Variants in DISP1 observed in about 807,000 individuals in gnomAD.
DISP1 encodes the protein dispatched RND transporter family member 1, also known as protein dispatched homolog 1.
DISP1 carries 30 observed loss-of-function variants against 37.3 expected under a neutral mutation model. The observed-to-expected ratio is 0.80, with a 90% CI of 0.60 to 1.09. DISP1 has a LOEUF of 1.09. Ranked by LOEUF, DISP1 falls within the 50% of genes least tolerant of loss-of-function variation. The probability of loss-of-function intolerance (pLI) is 0.00; values close to 1 mark genes in which losing one functional copy is unlikely to be tolerated. For missense variants in DISP1, 1,598 were observed against 1,879.5 expected (o/e 0.85, Z 2.77); for synonymous variants, 634 against 690.2 (o/e 0.92, Z 1.28).
chr1:222,892,398 A>G (rs762696327), intron 1 of DISP1, among the ~76,000 whole-genome samples: 5 of 152,210 alleles, frequency 3.3e-5, no homozygotes, highest in African/African-American at 4.8e-5. Flanking sequence ...ATTCTTGCAA[A>G]TAACGTAAGT....
intron 1 of DISP1, among the ~76,000 whole-genome samples, chr1:222,838,176 C>T (rs893275011): frequency 1.3e-5 from 2 of 151,906 alleles, no homozygotes; most frequent in Non-Finnish European, 2.9e-5. Flanking sequence ...ATATAATTAT[C>T]ACTATTTTTG....
chr1:222,991,981 T>A (rs1388337414), intron 6 of DISP1, 32 bp from the exon 7 acceptor site: 1 of 1,543,758 alleles, frequency 6.5e-7, no homozygotes, highest in East Asian at 2.3e-5. Context: ...AACGAGAACT[T>A]TATTGAAGAT....
Position 223,004,973 on chromosome 1 carries a change from T to C in DISP1, c.3576T>C (p.Tyr1192=). Residue 1192 remains tyrosine (Y), a synonymous_variant, in exon 9 of 9, where the codon TAT becomes TAC. Transcript: ENST00000675850. This position sits in a 1 kb window ranked among gnomAD's most constrained non-coding sequence, Gnocchi z 4.9. ...AATCTGAACTGGAGCATGAGTTTTATGAATTAGAACCTCTGGCTTCCCACA... is the reference window on the plus strand; with the variant it reads ...AATCTGAACTGGAGCATGAGTTTTACGAATTAGAACCTCTGGCTTCCCACA... The part of the protein sequence containing the change: ...GPKSELEHEF[Y]ELEPLASHSC... 1.2e-6 allele frequency: 2 copies of C among 1,614,020 alleles called. No homozygotes were observed. Among genetic ancestry groups the C allele is most frequent in the Non-Finnish European group, 1.7e-6 (2 of 1,180,032 alleles).
rs549065930 is a variant in DISP1, at chr1:222,874,652, C to A, written c.-158-53778C>A. 7.9e-5 allele frequency among the ~76,000 whole-genome samples: 12 copies of A among 152,158 alleles called. 1 individual carries two copies. The South Asian group carries it at 2.5e-3, about 32-fold the overall frequency. On this transcript the variant is annotated intron_variant, in intron 1 of 8. Transcript: ENST00000675850. ...TCTCTGCATTGGTTATTCTAGTTAT[C>A]CATTCGTCTAATTTTTTTTCAAAGT...
intron 2 of DISP1, among the ~76,000 whole-genome samples, chr1:222,942,473 C>G (rs1674457340): frequency 6.6e-6 from 1 of 151,964 alleles, no homozygotes; most frequent in South Asian, 2.1e-4. Context: ...TTTGTATCCT[C>G]TCCTCTCATG....
At position 223,005,079 on chromosome 1, in the gene DISP1, G is replaced by C; in HGVS notation, c.3682G>C (p.Gly1228Arg). The stretch of plus-strand genomic sequence containing the variant: ...TTTCAACAGCCAAGCAAAGAATTTA[G>C]GGATGCCTGTGCATGCAGCTTACAA... The part of the protein sequence containing the change: ...EFFNSQAKNL[G>R]MPVHAAYNSE... Residue 1228 changes from glycine (G) to arginine (R), a missense_variant, in exon 9 of 9, where the codon GGG (glycine) becomes CGG (arginine). Coordinates refer to ENST00000675850, the MANE Select transcript of DISP1 (RefSeq NM_001377229.1). 1 of 1,614,148 alleles carries C rather than the reference G, an allele frequency of 6.2e-7. No homozygotes were observed. The highest frequency in any genetic ancestry group is 2.2e-5 in the East Asian group (1 of 44,872).
At chr1:222,950,541 A>G (rs976579034) in intron 3 of DISP1, among the ~76,000 whole-genome samples, 5 of 152,156 alleles carry the variant, frequency 3.3e-5, no homozygotes, top group South Asian at 4.2e-4. Context: ...CAGAGCTTGC[A>G]GTGATCTGAG....
rs1467826731 is a variant in DISP1, at chr1:223,005,284, A to G, written c.3887A>G (p.His1296Arg). ...SCQQMGDCLC[H>R]QCSPTTSSFV... ...CAGCAGATGGGGGACTGCTTGTGCC[A>G]CCAGTGCTCTCCTACCACTAGCAGC... Residue 1296 changes from histidine (H) to arginine (R), a missense_variant, in exon 9 of 9, where the codon CAC becomes CGC. Physicochemically the swap from His to Arg is conservative, Grantham distance 29 (BLOSUM62 0). Coordinates refer to ENST00000675850, the MANE Select transcript of DISP1 (RefSeq NM_001377229.1). 2 of 1,613,810 alleles carry G rather than the reference A, an allele frequency of 1.2e-6. No homozygotes were observed. Among genetic ancestry groups the G allele is most frequent in the Non-Finnish European group, 1.7e-6 (2 of 1,180,018 alleles).
At chr1:222,926,893 T>C (rs939430792) in intron 1 of DISP1, among the ~76,000 whole-genome samples, 4 of 152,144 alleles carry the variant, frequency 2.6e-5, no homozygotes, top group African/African-American at 9.7e-5. Flanking sequence ...GTAGTCTTGT[T>C]TGAGTGACTC....
intron 3 of DISP1, among the ~76,000 whole-genome samples, chr1:222,949,373 G>A (rs116481127): frequency 0.11 from 17,264 of 151,108 alleles, 1,436 homozygotes; most frequent in African/African-American, 0.23. Flanking sequence ...CAGCCTGAGC[G>A]ACAGAGGGAG....
intron 1 of DISP1, among the ~76,000 whole-genome samples, chr1:222,819,028 C>T (rs1206419372): frequency 2.6e-5 from 4 of 152,164 alleles, no homozygotes; most frequent in Non-Finnish European, 5.9e-5. Flanking sequence ...GAGGTGGAGT[C>T]TGGTGGTAGG....
chr1:222,897,823 A>C (rs573549996), intron 1 of DISP1, among the ~76,000 whole-genome samples: 2 of 152,338 alleles, frequency 1.3e-5, no homozygotes, highest in South Asian at 4.1e-4. Flanking sequence ...TTCTGTATGT[A>C]CAGAGGCTAA....
chr1:222,893,077 A>G lies in DISP1; in HGVS notation c.-158-35353A>G, dbSNP rs1299560872. Among the ~76,000 whole-genome samples, 1 of 152,150 alleles carries G rather than the reference A, an allele frequency of 6.6e-6. No individual in the cohort carries two copies. The highest frequency in any genetic ancestry group is 1.5e-5 in the Non-Finnish European group (1 of 68,020). On this transcript the variant is annotated intron_variant, in intron 1 of 8. Transcript: ENST00000675850. The surrounding 1 kb of genome is among the most constrained non-coding windows in gnomAD (Gnocchi z 4.3). ...ATGTTTACTTCACTTGATGTTTTCTATTATTAGATGTCTATATCAGGTATA... is the reference window on the plus strand; with the variant it reads ...ATGTTTACTTCACTTGATGTTTTCTGTTATTAGATGTCTATATCAGGTATA...
At position 222,994,921 on chromosome 1, in the gene DISP1, G is replaced by A. The variant is rs1678950376; in HGVS notation, c.926G>A (p.Gly309Glu). 1.2e-6 allele frequency: 2 copies of A among 1,612,932 alleles called. No individual in the cohort carries two copies. The highest frequency in any genetic ancestry group is 1.7e-5 in the Admixed American group (1 of 59,978). ...RYSRVVFTSSGGETLWNLPAI... is the reference protein window; with the variant it reads ...RYSRVVFTSSEGETLWNLPAI... Reference sequence around the variant, plus strand: ...TCCAGAGTGGTATTTACTTCATCTGGAGGGGAGACATTATGGAATTTACCT... The same window carrying A: ...TCCAGAGTGGTATTTACTTCATCTGAAGGGGAGACATTATGGAATTTACCT... Residue 309 changes from glycine to glutamate, a missense_variant, in exon 8 of 9, where the codon GGA becomes GAA. Transcript: ENST00000675850.
At chr1:222,840,548 A>G (rs543660265) in intron 1 of DISP1, among the ~76,000 whole-genome samples, 244 of 143,598 alleles carry the variant, frequency 1.7e-3, no homozygotes, top group African/African-American at 6.1e-3. Flanking sequence ...GGCCATTAGT[A>G]CAGTATCTCT....
intron 1 of DISP1, among the ~76,000 whole-genome samples, chr1:222,838,043 A>G (rs981889948): frequency 6.6e-6 from 1 of 152,152 alleles, no homozygotes; most frequent in Non-Finnish European, 1.5e-5. Context: ...AATAGTAATT[A>G]TGCTGCCATT....
At chr1:222,952,177 T>C (rs1399814404) in intron 3 of DISP1, among the ~76,000 whole-genome samples, 1 of 152,220 alleles carries the variant, frequency 6.6e-6, no homozygotes, top group African/African-American at 2.4e-5. Context: ...TTTAGACATT[T>C]GCTTTTCAAT....
chr1:222,834,866 A>T (rs1666654874), intron 1 of DISP1, among the ~76,000 whole-genome samples: 1 of 152,196 alleles, frequency 6.6e-6, no homozygotes, highest in Admixed American at 6.5e-5. Flanking sequence ...GTAGAATAAT[A>T]CTTACCTTGC....
At chr1:222,835,057 T>G (rs921225574) in intron 1 of DISP1, 1 of 152,182 alleles carries the variant, frequency 6.6e-6, no homozygotes, top group Non-Finnish European at 1.5e-5. Context: ...CAAATGTTGT[T>G]GGTCTTGTGG....
Sources: gnomAD v4.1 joint callset for allele counts (sites outside exome capture counted in the v4.1 genomes callset) on GRCh38, gnomAD v4.1.1 for gene constraint, Gnocchi (gnomAD v3.1) non-coding constraint, MANE v1.5 for transcripts, NCBI Gene and HGNC (gene_info 2026-07-23, HGNC 2026-07-21) for gene names.